Variants in CHRM3 observed in about 807,000 individuals in gnomAD.
CHRM3 encodes the protein cholinergic receptor muscarinic 3.
Under a neutral mutation model 41.8 loss-of-function variants are expected in CHRM3, and 11 were observed. The observed-to-expected ratio is 0.26, with a 90% CI of 0.17 to 0.44. The LOEUF is 0.44. Among genes scored for constraint, CHRM3 ranks in the 20% least tolerant of loss-of-function variants. The probability of loss-of-function intolerance (pLI) is 1.00; values close to 1 mark genes in which losing one functional copy is unlikely to be tolerated. For missense variants in CHRM3, 571 were observed against 745.4 expected (o/e 0.77, Z 2.72); for synonymous variants, 297 against 301.4 (o/e 0.99, Z 0.15).
intron 6 of CHRM3, among the ~76,000 whole-genome samples, chr1:239,846,025 TGAA>T (rs1674233604): frequency 6.6e-6 from 1 of 152,158 alleles, no homozygotes; most frequent in Non-Finnish European, 1.5e-5. Flanking sequence ...CTTCAACTGT[TGAA>T]GAAGAAAATG....
intron 1 of CHRM3, among the ~76,000 whole-genome samples, chr1:239,462,816 G>T (rs927591680): frequency 6.6e-6 from 1 of 152,178 alleles, no homozygotes; most frequent in Non-Finnish European, 1.5e-5. Flanking sequence ...TTAGCACACA[G>T]TTTTAAAATT....
At chr1:239,421,666 T>G (rs1661963698) in intron 1 of CHRM3, among the ~76,000 whole-genome samples, 1 of 152,172 alleles carries the variant, frequency 6.6e-6, no homozygotes, top group African/African-American at 2.4e-5. Flanking sequence ...TGACCTTTAT[T>G]ACATGGTTTA....
intron 4 of CHRM3, among the ~76,000 whole-genome samples, chr1:239,642,846 T>A (rs950409226): frequency 3.3e-5 from 5 of 152,310 alleles, no homozygotes; most frequent in African/African-American, 1.2e-4. Context: ...GGCGCTCTGT[T>A]TTTAGAGTTT....
chr1:239,781,585 T>C (rs905383851), intron 5 of CHRM3, among the ~76,000 whole-genome samples: 4 of 152,152 alleles, frequency 2.6e-5, no homozygotes, highest in African/African-American at 9.6e-5. Flanking sequence ...TATTTCTTCC[T>C]TCCTAATCTA....
chr1:239,590,628 ATTCT>A (rs1664025121), intron 3 of CHRM3, among the ~76,000 whole-genome samples: 1 of 152,146 alleles, frequency 6.6e-6, no homozygotes, highest in African/African-American at 2.4e-5. Context: ...TCTTCAGGAA[ATTCT>A]TTATATTTTA....
intron 6 of CHRM3, among the ~76,000 whole-genome samples, chr1:239,850,034 A>G (rs1325871514): frequency 6.6e-6 from 1 of 152,108 alleles, no homozygotes; most frequent in Non-Finnish European, 1.5e-5. Flanking sequence ...TGAGCAACAT[A>G]AGGATTAGGA....
intron 1 of CHRM3, among the ~76,000 whole-genome samples, chr1:239,393,996 T>C (rs1659270481): frequency 6.6e-6 from 1 of 152,168 alleles, no homozygotes; most frequent in South Asian, 2.1e-4. Context: ...ATACATCCAT[T>C]ATCACATCTT....
intron 5 of CHRM3, among the ~76,000 whole-genome samples, chr1:239,813,590 G>A (rs1164430715): frequency 2.0e-5 from 3 of 151,992 alleles, no homozygotes; most frequent in African/African-American, 7.3e-5. Flanking sequence ...AAGACTTCAG[G>A]AAGTCCCAAG....
chr1:239,429,614 A>T (rs985549428), intron 1 of CHRM3, among the ~76,000 whole-genome samples: 14 of 152,160 alleles, frequency 9.2e-5, no homozygotes, highest in African/African-American at 3.4e-4. Flanking sequence ...TGCAGAGCTC[A>T]TGTGTGAGGC....
chr1:239,535,546 G>A (rs1658115345), intron 2 of CHRM3, among the ~76,000 whole-genome samples: 1 of 150,366 alleles, frequency 6.7e-6, no homozygotes, highest in African/African-American at 2.5e-5. Flanking sequence ...CCTACATCGA[G>A]TGTGGGTTCT....
At chr1:239,679,490 A>G (rs1658347991) in intron 5 of CHRM3, among the ~76,000 whole-genome samples, 1 of 152,200 alleles carries the variant, frequency 6.6e-6, no homozygotes, top group South Asian at 2.1e-4. Flanking sequence ...GGAGAGTGAG[A>G]GAGAGTAGAT....
intron 4 of CHRM3, among the ~76,000 whole-genome samples, chr1:239,658,977 A>G (rs991772300): frequency 2.0e-5 from 3 of 152,020 alleles, no homozygotes; most frequent in African/African-American, 7.2e-5. Context: ...ACCTCAAGTG[A>G]TCCATCCACC....
intron 3 of CHRM3, among the ~76,000 whole-genome samples, chr1:239,566,647 A>C (rs1661386904): frequency 6.6e-6 from 1 of 152,278 alleles, no homozygotes; most frequent in Middle Eastern, 3.4e-3. Context: ...GCTTTGGGTC[A>C]TTAATTCTCT....
intron 5 of CHRM3, among the ~76,000 whole-genome samples, chr1:239,790,115 A>G (rs942872968): frequency 1.3e-5 from 2 of 152,134 alleles, no homozygotes; most frequent in African/African-American, 4.8e-5. Context: ...GAAGTAACTA[A>G]CTTGCTTTTG....
chr1:239,585,857 G>T (rs531880207), intron 3 of CHRM3, among the ~76,000 whole-genome samples: 22 of 152,282 alleles, frequency 1.4e-4, no homozygotes, highest in Non-Finnish European at 3.2e-4. Flanking sequence ...AGATGAATAT[G>T]CACTAATTAT....
intron 6 of CHRM3, among the ~76,000 whole-genome samples, chr1:239,830,506 A>C (rs1672809044): frequency 6.6e-6 from 1 of 152,172 alleles, no homozygotes; most frequent in African/African-American, 2.4e-5. Context: ...GTTCGAGACC[A>C]GCCTGGACAA....
At chr1:239,885,485 C>T (rs565408478) in intron 6 of CHRM3, among the ~76,000 whole-genome samples, 5 of 152,098 alleles carry the variant, frequency 3.3e-5, no homozygotes, top group East Asian at 1.9e-4. Flanking sequence ...TTAAGTGAGT[C>T]GGCTTTTTGA....
At chr1:239,621,919 T>G (rs971752704) in intron 3 of CHRM3, among the ~76,000 whole-genome samples, 1 of 152,050 alleles carries the variant, frequency 6.6e-6, no homozygotes, top group Non-Finnish European at 1.5e-5. Flanking sequence ...TAGAGAGAAG[T>G]CAAGGCCTGG....
Position 239,783,955 on chromosome 1 carries a change from G to A in CHRM3, c.-146-43297G>A, listed in dbSNP as rs1231691745. Among the ~76,000 whole-genome samples, 4 of 152,254 alleles carry A rather than the reference G, an allele frequency of 2.6e-5. No homozygotes were observed. The South Asian group carries it at 6.2e-4, about 24-fold the overall frequency. On this transcript the variant is annotated intron_variant, in intron 5 of 6. Transcript: ENST00000676153. ...AGTTCCCTCTTATAAGTGAGAACGT[G>A]CAGTATTTGGTATTCTGTTCCTGCA... is the stretch of plus-strand genomic sequence containing the variant.
Sources: allele counts gnomAD v4.1 joint callset (sites outside exome capture counted in the v4.1 genomes callset), GRCh38; gene constraint gnomAD v4.1.1; transcripts MANE v1.5; gene names NCBI Gene and HGNC (gene_info 2026-07-23, HGNC 2026-07-21).